CRYL1: variants seen among roughly 807,000 people sequenced by gnomAD.
The protein encoded by CRYL1 is lambda-crystallin homolog.
A neutral mutation model predicts 36.6 loss-of-function variants in CRYL1; 29 were observed. That is an observed-to-expected ratio of 0.79 (90% CI 0.59 to 1.08). The LOEUF (loss-of-function observed/expected upper bound fraction) is 1.08. Among genes scored for constraint, CRYL1 ranks in the 50% least tolerant of loss-of-function variants. The probability of loss-of-function intolerance (pLI) is 0.00; values close to 1 mark genes in which losing one functional copy is unlikely to be tolerated. For synonymous variants in CRYL1, 152 were observed against 151.5 expected, an observed-to-expected ratio of 1.00 and a Z score of -0.02; for missense variants, 411 against 407.9, an observed-to-expected ratio of 1.01 and a Z score of -0.06.
intron 2 of CRYL1, among the ~76,000 whole-genome samples, chr13:20,508,400 TACTC>T (rs1212476041): frequency 6.6e-6 from 1 of 152,180 alleles, no homozygotes; most frequent in Non-Finnish European, 1.5e-5. Flanking sequence ...AGATGTAATT[TACTC>T]AGGAAGACCA....
intron 5 of CRYL1, among the ~76,000 whole-genome samples, chr13:20,414,824 C>T (rs182983192): frequency 4.1e-4 from 63 of 152,360 alleles, no homozygotes; most frequent in Non-Finnish European, 7.5e-4. Context: ...AGGTCCCTCC[C>T]GTCAGAGGAT....
intron 2 of CRYL1, among the ~76,000 whole-genome samples, chr13:20,508,088 G>T (rs2033836764): frequency 6.6e-6 from 1 of 152,096 alleles, no homozygotes. Flanking sequence ...AATTAGCTGG[G>T]CGTGGTGGTG....
intron 3 of CRYL1, among the ~76,000 whole-genome samples, chr13:20,484,576 G>A (rs1385714769): frequency 1.3e-5 from 2 of 152,124 alleles, no homozygotes; most frequent in African/African-American, 4.8e-5. Context: ...GGAGGCTGAG[G>A]CACGATAATC....
chr13:20,469,105 C>T lies in CRYL1; in HGVS notation c.276+20265G>A, dbSNP rs2033002869. Reference sequence around the variant, plus strand: ...GTTAAGTGTCTACCATAGATACGACCAACAACTTACTTTCTGGTGCCTTTT... The same window carrying T: ...GTTAAGTGTCTACCATAGATACGACTAACAACTTACTTTCTGGTGCCTTTT... On this transcript the variant is annotated intron_variant, in intron 3 of 7. Coordinates refer to ENST00000298248, the MANE Select transcript of CRYL1 (RefSeq NM_015974.3). 2.0e-5 allele frequency among the ~76,000 whole-genome samples: 3 copies of T among 152,178 alleles called. No individual in the cohort carries two copies. In the South Asian group the frequency reaches 6.2e-4, roughly 32 times the overall value.
At chr13:20,456,173 T>A (rs921528857) in intron 3 of CRYL1, among the ~76,000 whole-genome samples, 8 of 152,086 alleles carry the variant, frequency 5.3e-5, no homozygotes, top group Admixed American at 1.3e-4. Flanking sequence ...AGGCAAAAAA[T>A]TTTAAGAAAT....
chr13:20,432,558 T>C (rs1284389513), intron 4 of CRYL1, among the ~76,000 whole-genome samples: 1 of 152,178 alleles, frequency 6.6e-6, no homozygotes, highest in Non-Finnish European at 1.5e-5. Flanking sequence ...CTTGCTATCC[T>C]GTATGTTTAT....
chr13:20,456,391 C>T (rs1371196731), intron 3 of CRYL1, among the ~76,000 whole-genome samples: 1 of 150,850 alleles, frequency 6.6e-6, no homozygotes, highest in Non-Finnish European at 1.5e-5. Context: ...CAGAATCTCA[C>T]TTGAACCTGG....
chr13:20,410,466 T>C (rs1417957581), intron 6 of CRYL1, among the ~76,000 whole-genome samples: 1 of 151,338 alleles, frequency 6.6e-6, no homozygotes, highest in East Asian at 1.9e-4. Context: ...CGCACCAGCA[T>C]GGCACATGTA....
Position 20,525,697 on chromosome 13 carries a change from A to G in CRYL1, c.41+57T>C. ...CCCGAGGGCCCCACGCGAGGGCACC[A>G]CGTCCCCGGCGTCTCCCCGGGCTCC... On this transcript the variant is annotated intron_variant, in intron 1 of 7. Coordinates refer to ENST00000298248, the MANE Select transcript of CRYL1 (RefSeq NM_015974.3). The surrounding 1 kb of genome is among the most constrained non-coding windows in gnomAD (Gnocchi z 4.3). 7.7e-7 allele frequency: 1 copy of G among 1,305,914 alleles called. No homozygotes were observed. Among genetic ancestry groups the G allele is most frequent in the Non-Finnish European group, 9.8e-7 (1 of 1,019,226 alleles). The allele number at this position is 1,305,914 out of a possible 1,614,324, so 80.9% of individuals were successfully genotyped here.
chr13:20,405,167 A>C (rs901000375), intron 6 of CRYL1, among the ~76,000 whole-genome samples: 4 of 152,090 alleles, frequency 2.6e-5, no homozygotes, highest in Non-Finnish European at 1.5e-5. Context: ...GCTACTCAGG[A>C]GGCTGAGGCA....
chr13:20,465,644 G>A (rs1384883716), intron 3 of CRYL1, among the ~76,000 whole-genome samples: 3 of 152,150 alleles, frequency 2.0e-5, no homozygotes, highest in Admixed American at 6.5e-5. Context: ...CTCCAAAAGG[G>A]TGGATTCATG....
intron 2 of CRYL1, among the ~76,000 whole-genome samples, chr13:20,492,457 CA>C (rs1277781165): frequency 6.6e-6 from 1 of 152,186 alleles, no homozygotes; most frequent in Admixed American, 6.5e-5. Context: ...ATCAAAGCGT[CA>C]GCAGGGAACG....
Position 20,403,930 on chromosome 13 carries a change from T to C in CRYL1, c.*199A>G. On this transcript the variant is annotated 3_prime_UTR_variant, in exon 8 of 8. Transcript: ENST00000298248. ...ACAGCCCCGAGAACGCAAGTGCTGC[T>C]GTGCCGCCAGGCCCAGGGCTATGAT... 1 of 418,906 alleles carries C rather than the reference T, an allele frequency of 2.4e-6. No homozygotes were observed. The highest frequency in any genetic ancestry group is 4.2e-6 in the Non-Finnish European group (1 of 236,026). 25.9% of individuals were successfully genotyped at this position (418,906 alleles called of 1,614,324 possible).
chr13:20,510,391 G>A (rs1332971468), intron 2 of CRYL1, among the ~76,000 whole-genome samples: 1 of 152,128 alleles, frequency 6.6e-6, no homozygotes, highest in Non-Finnish European at 1.5e-5. Context: ...AAGCCAGTCT[G>A]CAAAGCCTAC....
intron 4 of CRYL1, among the ~76,000 whole-genome samples, chr13:20,437,022 G>A (rs1468165645): frequency 6.6e-6 from 1 of 152,104 alleles, no homozygotes. Flanking sequence ...GGGGCCAGGT[G>A]TGGTGCCTTT....
At chr13:20,429,135 C>G (rs910351553) in intron 5 of CRYL1, among the ~76,000 whole-genome samples, 2 of 152,200 alleles carry the variant, frequency 1.3e-5, no homozygotes, top group Non-Finnish European at 2.9e-5. Flanking sequence ...GGAACCCACA[C>G]CAGGCCTCAC....
In CRYL1 at chr13:20,512,479, T is replaced by G. The variant is rs1452661614; in HGVS notation, c.113A>C (p.Glu38Ala). 6.2e-7 allele frequency: 1 copy of G among 1,614,082 alleles called. No individual in the cohort carries two copies. The highest frequency in any genetic ancestry group is 2.2e-5 in the East Asian group (1 of 44,882). Reference sequence around the variant, plus strand: ...CAGGGCGTTCCTTATCTGCTGTTGCTCAATGTCATAGAGTTTCACCTGGAA... The same window carrying G: ...CAGGGCGTTCCTTATCTGCTGTTGCGCAATGTCATAGAGTTTCACCTGGAA... The part of the protein sequence containing the change: ...GGFQVKLYDI[E>A]QQQIRNALEN... Residue 38 changes from glutamate to alanine, a missense_variant, in exon 2 of 8, where the codon GAG (glutamate) becomes GCG (alanine). By Grantham distance (107) the Glu-to-Ala change is moderately radical. Coordinates refer to ENST00000298248, the MANE Select transcript of CRYL1 (RefSeq NM_015974.3).
intron 7 of CRYL1, 73 bp from the exon 8 acceptor site, chr13:20,404,315 G>A: frequency 1.9e-6 from 2 of 1,030,820 alleles, no homozygotes; most frequent in East Asian, 2.4e-5. Context: ...TATTGCTCTT[G>A]TTTATGCAAA....
At chr13:20,433,960 A>C in intron 4 of CRYL1, 1 of 153,968 alleles carries the variant, frequency 6.5e-6, no homozygotes, top group South Asian at 2.0e-4. Flanking sequence ...TTGAGGACAC[A>C]GAATACACCT....
Sources: gnomAD v4.1 joint callset for allele counts (sites outside exome capture counted in the v4.1 genomes callset) on GRCh38, gnomAD v4.1.1 for gene constraint, Gnocchi (gnomAD v3.1) non-coding constraint, MANE v1.5 for transcripts, NCBI Gene and HGNC (gene_info 2026-07-23, HGNC 2026-07-21) for gene names.